The following CREB5 variants were observed in gnomAD, a reference collection of about 807,000 sequenced individuals.
CREB5 encodes the protein cyclic AMP-responsive element-binding protein 5.
A neutral mutation model predicts 57.1 loss-of-function variants in CREB5; 19 were observed. The ratio of observed to expected loss-of-function variants is 0.33; its 90% CI spans 0.23 to 0.49. The LOEUF is 0.49. Ranked by LOEUF, CREB5 falls within the 20% of genes least tolerant of loss-of-function variation. The probability of loss-of-function intolerance (pLI) is 0.99; values close to 1 mark genes in which losing one functional copy is unlikely to be tolerated. For synonymous variants in CREB5, 238 were observed against 238.3 expected, an observed-to-expected ratio of 1.00 and a Z score of 0.01; for missense variants, 579 against 671.6, an observed-to-expected ratio of 0.86 and a Z score of 1.52.
intron 9 of CREB5, among the ~76,000 whole-genome samples, chr7:28,811,622 C>T (rs540697497): frequency 6.6e-6 from 1 of 152,166 alleles, no homozygotes; most frequent in South Asian, 2.1e-4. Context: ...CCTCCCACCT[C>T]GGCCTACAAA....
intron 4 of CREB5, among the ~76,000 whole-genome samples, chr7:28,556,965 C>T (rs973225288): frequency 1.3e-5 from 2 of 152,220 alleles, no homozygotes; most frequent in South Asian, 4.1e-4. Flanking sequence ...TGACTTCTCC[C>T]CAGCTTCCTC....
chr7:28,434,242 G>T (rs1788847776), intron 1 of CREB5, among the ~76,000 whole-genome samples: 1 of 152,078 alleles, frequency 6.6e-6, no homozygotes, highest in Non-Finnish European at 1.5e-5. Flanking sequence ...TTACAATGGA[G>T]ATAATAATAC....
At chr7:28,640,283 A>G (rs1362095556) in intron 5 of CREB5, among the ~76,000 whole-genome samples, 1 of 152,204 alleles carries the variant, frequency 6.6e-6, no homozygotes, top group African/African-American at 2.4e-5. Flanking sequence ...CAGGTTTTCC[A>G]TGTTTACCAT....
At chr7:28,756,400 T>C (rs1404232378) in intron 7 of CREB5, among the ~76,000 whole-genome samples, 1 of 151,766 alleles carries the variant, frequency 6.6e-6, no homozygotes, top group Non-Finnish European at 1.5e-5. Context: ...TTTAAAAAAA[T>C]ACAAAATTAG....
rs1476123114 is a variant in CREB5 at position 28,560,934 on chromosome 7, G to A, written c.292-9431G>A. On this transcript the variant is annotated intron_variant, in intron 4 of 10. Transcript: ENST00000357727. ...CGTGTGCGTGTGTGCGCGTGCGTGT[G>A]TGCGTGCGTGTGTGTGCGTGTGTGT... Among the ~76,000 whole-genome samples the A allele has an allele frequency of 3.4e-3, 213 of 63,444 alleles. 11 individuals are homozygous for A. The highest frequency in any genetic ancestry group is 7.9e-3 in the African/African-American group (117 of 14,760). The allele number at this position is 63,444 out of a possible 152,430, so 41.6% of individuals were successfully genotyped here.
At chr7:28,329,942 C>T (rs1440604258) in intron 1 of CREB5, among the ~76,000 whole-genome samples, 5 of 152,220 alleles carry the variant, frequency 3.3e-5, no homozygotes. Flanking sequence ...GTTTGTGGAG[C>T]TGTTTTCTCT....
chr7:28,324,903 A>T (rs1011773339), intron 1 of CREB5, among the ~76,000 whole-genome samples: 1 of 152,210 alleles, frequency 6.6e-6, no homozygotes, highest in Non-Finnish European at 1.5e-5. Context: ...TTAGCTACTG[A>T]AGCCAAAAAT....
intron 5 of CREB5, among the ~76,000 whole-genome samples, chr7:28,607,449 C>T (rs369715856): frequency 3.3e-5 from 5 of 152,142 alleles, no homozygotes; most frequent in African/African-American, 9.7e-5. Flanking sequence ...ACATCTGGAG[C>T]GTGCTCATTG....
chr7:28,443,110 T>C (rs1228947945), intron 1 of CREB5, among the ~76,000 whole-genome samples: 1 of 152,146 alleles, frequency 6.6e-6, no homozygotes, highest in East Asian at 1.9e-4. Context: ...GTCTACTAGT[T>C]TCATGGATGC....
At chr7:28,405,783 C>T (rs55688203) in intron 1 of CREB5, among the ~76,000 whole-genome samples, 4,298 of 152,196 alleles carry the variant, frequency 0.028, 81 homozygotes, top group Non-Finnish European at 0.045. Context: ...TTTTCTTCTC[C>T]GTCATCAGCT....
chr7:28,511,978 C>T (rs1447394617), intron 4 of CREB5, among the ~76,000 whole-genome samples: 1 of 152,088 alleles, frequency 6.6e-6, no homozygotes, highest in African/African-American at 2.4e-5. Context: ...TGGATAGATT[C>T]TGGATACATT....
intron 3 of CREB5, among the ~76,000 whole-genome samples, chr7:28,495,535 G>A (rs1387749491): frequency 2.7e-4 from 22 of 82,488 alleles, no homozygotes; most frequent in Non-Finnish European, 4.7e-4. Flanking sequence ...GCAAAACTCC[G>A]TCTCAAAAAA....
intron 1 of CREB5, among the ~76,000 whole-genome samples, chr7:28,486,568 A>G (rs1251964482): frequency 6.6e-6 from 1 of 150,886 alleles, no homozygotes; most frequent in Non-Finnish European, 1.5e-5. Context: ...GCAACGTACA[A>G]ATCGAACTCT....
chr7:28,507,838 A>C (rs1792547039), intron 4 of CREB5, 101 bp downstream of exon 4: 2 of 1,311,072 alleles, frequency 1.5e-6, no homozygotes, highest in Non-Finnish European at 2.0e-6. Flanking sequence ...TGTGGCCTTG[A>C]AGTATTTTAG....
chr7:28,603,727 C>T lies in CREB5; in HGVS notation c.464+33190C>T, dbSNP rs4397285. ...AAACCTGGTAAGCTTTATACCCCTACGCTTTAGTTCGTTACTTAGTCCGTT... is the reference window on the plus strand; with the variant it reads ...AAACCTGGTAAGCTTTATACCCCTATGCTTTAGTTCGTTACTTAGTCCGTT... On this transcript the variant is annotated intron_variant, in intron 5 of 10. Transcript: ENST00000357727. Among the ~76,000 whole-genome samples the T allele has an allele frequency of 5.8e-4, 88 of 152,300 alleles. 1 individual carries two copies. The East Asian group carries it at 0.014, about 25-fold the overall frequency.
At chr7:28,640,238 G>C (rs986325681) in intron 5 of CREB5, among the ~76,000 whole-genome samples, 1 of 152,110 alleles carries the variant, frequency 6.6e-6, no homozygotes, top group African/African-American at 2.4e-5. Flanking sequence ...TAAAAATGTC[G>C]TGATGGAGCA....
chr7:28,346,567 C>T (rs1197677380), intron 1 of CREB5, among the ~76,000 whole-genome samples: 1 of 152,240 alleles, frequency 6.6e-6, no homozygotes, highest in Non-Finnish European at 1.5e-5. Context: ...AAGGCCTTAG[C>T]CAACTCCATG....
intron 3 of CREB5, among the ~76,000 whole-genome samples, chr7:28,505,008 C>T (rs6963191): frequency 0.21 from 31,299 of 152,090 alleles, 3,616 homozygotes; most frequent in African/African-American, 0.31. Context: ...ATCGATCCAG[C>T]AGAGTGCTAC....
chr7:28,750,721 T>G (rs1436244510), intron 7 of CREB5, among the ~76,000 whole-genome samples: 3 of 152,190 alleles, frequency 2.0e-5, no homozygotes, highest in Non-Finnish European at 4.4e-5. Context: ...ATGTGGTAAT[T>G]AAACCCAGAG....
Sources: gnomAD v4.1 joint callset for allele counts (sites outside exome capture counted in the v4.1 genomes callset) on GRCh38, gnomAD v4.1.1 for gene constraint, MANE v1.5 for transcripts, NCBI Gene and HGNC (gene_info 2026-07-23, HGNC 2026-07-21) for gene names.